Variants in CAMK1D observed in about 807,000 individuals in gnomAD.
CAMK1D encodes the protein calcium/calmodulin-dependent protein kinase type 1D.
A neutral mutation model predicts 47.7 loss-of-function variants in CAMK1D; 9 were observed. That is an observed-to-expected ratio of 0.19 (90% CI 0.11 to 0.33). The LOEUF (loss-of-function observed/expected upper bound fraction) is 0.33, where lower values mean the gene tolerates loss of function less well. Among genes scored for constraint, CAMK1D ranks in the 10% least tolerant of loss-of-function variants. The pLI is 1.00. For synonymous variants in CAMK1D, 184 were observed against 184.9 expected, an observed-to-expected ratio of 0.99 and a Z score of 0.04; for missense variants, 291 against 488.7, an observed-to-expected ratio of 0.60 and a Z score of 3.81.
rs1017599467 is a variant in CAMK1D at position 12,780,107 on chromosome 10, G to T, written c.565+10308G>T. 2.0e-5 allele frequency among the ~76,000 whole-genome samples: 3 copies of T among 152,044 alleles called. No individual in the cohort carries two copies. The South Asian group carries it at 6.2e-4, about 32-fold the overall frequency. ...TGGAGAACAGTTGGTCAACATTCTC[G>T]GTGTATTTTTTCACTGAGTTAGAGG... On this transcript the variant is annotated intron_variant, in intron 5 of 10. Coordinates refer to ENST00000619168, the MANE Select transcript of CAMK1D (RefSeq NM_153498.4).
chr10:12,477,803 A>AC (rs1833944503), intron 1 of CAMK1D, among the ~76,000 whole-genome samples: 1 of 152,108 alleles, frequency 6.6e-6, no homozygotes, highest in African/African-American at 2.4e-5. Flanking sequence ...ACAAACATCC[A>AC]CCGTGTTTGG....
At chr10:12,377,675 G>A (rs1020654189) in intron 1 of CAMK1D, among the ~76,000 whole-genome samples, 1 of 152,226 alleles carries the variant, frequency 6.6e-6, no homozygotes, top group South Asian at 2.1e-4. Flanking sequence ...CCACCATATA[G>A]GAATGCACTT....
chr10:12,352,754 T>TTTTTTA, intron 1 of CAMK1D, among the ~76,000 whole-genome samples: 1 of 140,642 alleles, frequency 7.1e-6, no homozygotes, highest in Non-Finnish European at 1.5e-5. Flanking sequence ...TTTTTTTTTT[T>TTTTTTA]GAGACGGAGT....
chr10:12,574,643 T>C (rs892413309), intron 2 of CAMK1D, among the ~76,000 whole-genome samples: 2 of 151,990 alleles, frequency 1.3e-5, no homozygotes, highest in Non-Finnish European at 2.9e-5. Flanking sequence ...CCTCCTTTGC[T>C]GACTTCTTCC....
intron 1 of CAMK1D, among the ~76,000 whole-genome samples, chr10:12,444,998 A>G (rs533978760): frequency 6.6e-6 from 1 of 152,228 alleles, no homozygotes; most frequent in African/African-American, 2.4e-5. Context: ...ATTTCAAAAT[A>G]TGTCAAAGAA....
intron 5 of CAMK1D, among the ~76,000 whole-genome samples, chr10:12,778,714 TA>T (rs1429360129): frequency 6.6e-6 from 1 of 151,952 alleles, no homozygotes; most frequent in African/African-American, 2.4e-5. Flanking sequence ...CCTGTCTCTC[TA>T]AAAAAATAGT....
At chr10:12,664,298 T>G (rs369436748) in intron 2 of CAMK1D, among the ~76,000 whole-genome samples, 1 of 152,180 alleles carries the variant, frequency 6.6e-6, no homozygotes, top group African/African-American at 2.4e-5. Context: ...GATGGAGAGA[T>G]ATTAATAAAG....
At chr10:12,493,205 T>A (rs1386501314) in intron 1 of CAMK1D, among the ~76,000 whole-genome samples, 5 of 152,196 alleles carry the variant, frequency 3.3e-5, no homozygotes, top group Non-Finnish European at 7.3e-5. Context: ...GTGTGTCCTA[T>A]AAGAAGTGGT....
intron 1 of CAMK1D, among the ~76,000 whole-genome samples, chr10:12,424,469 G>A (rs1111057): frequency 0.035 from 5,310 of 151,994 alleles, 100 homozygotes; most frequent in Middle Eastern, 0.054. Context: ...TTTTAGGAAC[G>A]CCTTCCCTCA....
At chr10:12,521,639 C>T (rs539312239) in intron 1 of CAMK1D, among the ~76,000 whole-genome samples, 34 of 152,216 alleles carry the variant, frequency 2.2e-4, no homozygotes, top group Admixed American at 3.9e-4. Flanking sequence ...TCTGTATCCC[C>T]GCCAATTTTC....
At chr10:12,612,768 C>CA (rs1838668996) in intron 2 of CAMK1D, among the ~76,000 whole-genome samples, 1 of 152,122 alleles carries the variant, frequency 6.6e-6, no homozygotes, top group East Asian at 1.9e-4. Context: ...ATATGTTTTT[C>CA]AAAACACCTA....
At chr10:12,754,869 G>A (rs554805024) in intron 3 of CAMK1D, among the ~76,000 whole-genome samples, 1 of 152,230 alleles carries the variant, frequency 6.6e-6, no homozygotes, top group South Asian at 2.1e-4. Flanking sequence ...CCTCTTTAAA[G>A]GCCCTATCTC....
At chr10:12,511,084 T>C (rs929445594) in intron 1 of CAMK1D, among the ~76,000 whole-genome samples, 3 of 152,228 alleles carry the variant, frequency 2.0e-5, no homozygotes, top group Non-Finnish European at 4.4e-5. Flanking sequence ...TTGTTGTAAA[T>C]ATGCTCACAT....
At chr10:12,533,690 A>G (rs1835878646) in intron 1 of CAMK1D, among the ~76,000 whole-genome samples, 1 of 152,136 alleles carries the variant, frequency 6.6e-6, no homozygotes, top group Non-Finnish European at 1.5e-5. Flanking sequence ...AAGAGGGAAA[A>G]TTGGCTGATA....
At chr10:12,573,183 T>A (rs1281298492) in intron 2 of CAMK1D, among the ~76,000 whole-genome samples, 1 of 152,224 alleles carries the variant, frequency 6.6e-6, no homozygotes, top group Non-Finnish European at 1.5e-5. Flanking sequence ...CCTGTGAGAA[T>A]GAGGCCAAGC....
chr10:12,815,774 G>A (rs1178747177), intron 7 of CAMK1D, among the ~76,000 whole-genome samples: 1 of 152,234 alleles, frequency 6.6e-6, no homozygotes, highest in African/African-American at 2.4e-5. Flanking sequence ...GCCCAAGTAG[G>A]CCACACATGG....
intron 2 of CAMK1D, among the ~76,000 whole-genome samples, chr10:12,596,858 C>G (rs541421373): frequency 6.6e-6 from 1 of 151,816 alleles, no homozygotes; most frequent in East Asian, 1.9e-4. Context: ...TTTTTTTTCT[C>G]TTTTCTGCAT....
At chr10:12,441,169 G>T (rs2025832) in intron 1 of CAMK1D, among the ~76,000 whole-genome samples, 2,210 of 152,250 alleles carry the variant, frequency 0.015, 62 homozygotes, top group African/African-American at 0.05. Flanking sequence ...ATTTCTGAAG[G>T]CTCTCATGTC....
chr10:12,522,690 C>G (rs922650525), intron 1 of CAMK1D, among the ~76,000 whole-genome samples: 2 of 152,000 alleles, frequency 1.3e-5, no homozygotes, highest in Admixed American at 1.3e-4. Flanking sequence ...GTCATCATGG[C>G]CCGTTCTCAA....
Sources: allele counts gnomAD v4.1 joint callset (sites outside exome capture counted in the v4.1 genomes callset), GRCh38; gene constraint gnomAD v4.1.1; transcripts MANE v1.5; gene names NCBI Gene and HGNC (gene_info 2026-07-23, HGNC 2026-07-21).